The following EHD1 variants were observed in gnomAD, a reference collection of about 807,000 sequenced individuals.
EHD1 encodes EH domain-containing protein 1.
In EHD1, 19 loss-of-function variants were observed where a neutral mutation model predicts 39.0. That is an observed-to-expected ratio of 0.49 (90% CI 0.34 to 0.72). EHD1 has a LOEUF of 0.72. Among genes scored for constraint, EHD1 ranks in the 30% least tolerant of loss-of-function variants. The pLI is 0.01. For synonymous variants in EHD1, 323 were observed against 331.2 expected, an observed-to-expected ratio of 0.98 and a Z score of 0.27; for missense variants, 542 against 751.5, an observed-to-expected ratio of 0.72 and a Z score of 3.26.
At position 64,853,997 on chromosome 11, in the gene EHD1, C is replaced by T. The variant is rs1355565083; in HGVS notation, c.*336G>A. 3 of 375,090 alleles carry T rather than the reference C, an allele frequency of 8.0e-6. No homozygotes were observed. The highest frequency in any genetic ancestry group is 5.3e-5 in the East Asian group (1 of 18,734). 23.2% of individuals were successfully genotyped at this position (375,090 alleles called of 1,614,324 possible). ...GACCTGGCTCCCCCACGGTCGCAGT[C>T]GCTGCACTGTCCAGCTCCAGCCACA... On this transcript the variant is annotated 3_prime_UTR_variant, in exon 5 of 5. Coordinates refer to ENST00000320631, the MANE Select transcript of EHD1 (RefSeq NM_006795.4).
At chr11:64,855,070 G>A (rs1243634027) in intron 4 of EHD1, 1 of 830,336 alleles carries the variant, frequency 1.2e-6, no homozygotes, top group Admixed American at 2.9e-5. Flanking sequence ...AAGGATTCAT[G>A]GACAGGGCAC....
intron 1 of EHD1, chr11:64,877,796 T>C (rs1943901035): frequency 2.7e-6 from 1 of 374,526 alleles, no homozygotes; most frequent in Non-Finnish European, 4.8e-6. Context: ...GGAGTGGGGC[T>C]GGGATCTGCA....
In EHD1 at chr11:64,868,442, G is replaced by A. The variant is rs1173901868; in HGVS notation, c.502+5979C>T. Among the ~76,000 whole-genome samples, 6 of 152,202 alleles carry A rather than the reference G, an allele frequency of 3.9e-5. No individual in the cohort carries two copies. Among genetic ancestry groups the A allele is most frequent in the African/African-American group, 1.4e-4 (6 of 41,434 alleles). On this transcript the variant is annotated intron_variant, in intron 2 of 4. Coordinates refer to ENST00000320631, the MANE Select transcript of EHD1 (RefSeq NM_006795.4). This position sits in a 1 kb window ranked among gnomAD's most constrained non-coding sequence, Gnocchi z 4.2. Reference sequence around the variant, plus strand: ...GAACAACCCAAGCGCCCCAACAGGTGAATGGATGACAACGGATGGTGCATC... The same window carrying A: ...GAACAACCCAAGCGCCCCAACAGGTAAATGGATGACAACGGATGGTGCATC...
rs971578104 is a variant in EHD1, at chr11:64,854,032, G to A, written c.*301C>T. 11 of 479,528 alleles carry A rather than the reference G, an allele frequency of 2.3e-5. No homozygotes were observed. Among genetic ancestry groups the A allele is most frequent in the South Asian group, 6.8e-5 (3 of 44,384 alleles). The allele number at this position is 479,528 out of a possible 1,614,324, so 29.7% of individuals were successfully genotyped here. A position where few individuals can be genotyped will look rare whatever the true frequency, so the allele number is the denominator to read the frequency against. The stretch of plus-strand genomic sequence containing the variant: ...TCCAGCTCCAGCCACAGCAAAGGCC[G>A]GGGGGCAGAGGCCGTGCACACAGGG... On this transcript the variant is annotated 3_prime_UTR_variant, in exon 5 of 5. Coordinates refer to ENST00000320631, the MANE Select transcript of EHD1 (RefSeq NM_006795.4).
upstream of EHD1, chr11:64,879,633 G>T (rs1386154194): frequency 1.3e-6 from 2 of 1,550,906 alleles, no homozygotes; most frequent in Non-Finnish European, 1.7e-6. Flanking sequence ...TGTTCCATGG[G>T]GCTCACTCCC....
rs1943907467 is a variant in EHD1, at chr11:64,878,147, C to T, written c.318G>A (p.Glu106=). 2 of 1,586,920 alleles carry T rather than the reference C, an allele frequency of 1.3e-6. No homozygotes were observed. Among genetic ancestry groups the T allele is most frequent in the East Asian group, 2.3e-5 (1 of 44,158 alleles). ...CGAGCGCGTTGCCCGGCACCACGCC[C>T]TCAGTGGGGCCGTGCATGACGGCGA... ...SFIAVMHGPT[E]GVVPGNALVV... is the part of the protein sequence containing the mutation. Residue 106 remains glutamate (E), a synonymous_variant, in exon 1 of 5, where the codon GAG becomes GAA. Transcript: ENST00000320631.
intron 3 of EHD1, among the ~76,000 whole-genome samples, chr11:64,858,167 C>T (rs112938802): frequency 6.8e-6 from 1 of 147,952 alleles, no homozygotes; most frequent in African/African-American, 2.5e-5. Context: ...AGCCACCATG[C>T]CTGGCCAGAG....
At chr11:64,870,373 C>T (rs961486660) in intron 2 of EHD1, among the ~76,000 whole-genome samples, 1 of 152,216 alleles carries the variant, frequency 6.6e-6, no homozygotes, top group African/African-American at 2.4e-5. Flanking sequence ...CACTTGCTGG[C>T]CTGCCTGTCA....
intron 3 of EHD1, among the ~76,000 whole-genome samples, chr11:64,858,682 A>G (rs7105257): frequency 0.066 from 10,036 of 152,282 alleles, 476 homozygotes; most frequent in African/African-American, 0.12. Context: ...CTGGCTCACG[A>G]TAGGGTGCTA....
rs528725138 is a variant in EHD1 at position 64,856,967 on chromosome 11, T to C, written c.916-1481A>G. Among the ~76,000 whole-genome samples the C allele has an allele frequency of 2.6e-5, 4 of 152,346 alleles. No individual in the cohort carries two copies. The South Asian group carries it at 8.3e-4, about 32-fold the overall frequency. Reference sequence around the variant, plus strand: ...GGTGGCTGAGCAAGGGAGCTCTCTCTGCCCTGCAAGGAGAGAAACTCAGCT... The same window carrying C: ...GGTGGCTGAGCAAGGGAGCTCTCTCCGCCCTGCAAGGAGAGAAACTCAGCT... On this transcript the variant is annotated intron_variant, in intron 3 of 4. Transcript: ENST00000320631.
chr11:64,867,591 C>T (rs1289682404), intron 2 of EHD1, among the ~76,000 whole-genome samples: 6 of 151,980 alleles, frequency 3.9e-5, no homozygotes, highest in East Asian at 1.9e-4. Context: ...TGGTGGCAGG[C>T]GCCTGTAATC....
At chr11:64,858,197 T>TTTTTG (rs1943675170) in intron 3 of EHD1, among the ~76,000 whole-genome samples, 3 of 148,946 alleles carry the variant, frequency 2.0e-5, no homozygotes, top group Admixed American at 2.0e-4. Context: ...TTTCTTTTTT[T>TTTTTG]TTGAGACAGA....
rs1943795979 is a variant in EHD1 at position 64,868,794 on chromosome 11, C to G, written c.502+5627G>C. 6.6e-6 allele frequency among the ~76,000 whole-genome samples: 1 copy of G among 152,148 alleles called. No individual in the cohort carries two copies. On this transcript the variant is annotated intron_variant, in intron 2 of 4. Coordinates refer to ENST00000320631, the MANE Select transcript of EHD1 (RefSeq NM_006795.4). The surrounding 1 kb of genome is among the most constrained non-coding windows in gnomAD (Gnocchi z 4.2). Reference sequence around the variant, plus strand: ...TCACTACACACAACGTAGACCCCAGCAAATCAGACAGAAGCAACAAAAGAG... The same window carrying G: ...TCACTACACACAACGTAGACCCCAGGAAATCAGACAGAAGCAACAAAAGAG...
chr11:64,855,761 G>T (rs915357249), intron 3 of EHD1: 10 of 458,368 alleles, frequency 2.2e-5, no homozygotes, highest in Non-Finnish European at 3.2e-5. Flanking sequence ...GGCCTTGCAC[G>T]GATCATTGTG....
Position 64,853,132 on chromosome 11 carries a change from T to C in EHD1, c.*1201A>G, listed in dbSNP as rs907535999. ...TGGCCCGGGCCACTGGGCCGCAAGG[T>C]TCTGGTTTCTTATTGCTCAACCTGG... On this transcript the variant is annotated 3_prime_UTR_variant, in exon 5 of 5. Transcript: ENST00000320631. 1 of 138,950 alleles carries C rather than the reference T, an allele frequency of 7.2e-6. No homozygotes were observed. The highest frequency in any genetic ancestry group is 2.0e-4 in the East Asian group (1 of 4,930). 8.6% of individuals were successfully genotyped at this position (138,950 alleles called of 1,614,324 possible).
At chr11:64,860,486 AC>A in intron 2 of EHD1, 150 bp from the exon 3 acceptor site, 6 of 1,152,896 alleles carry the variant, frequency 5.2e-6, no homozygotes, top group Non-Finnish European at 7.1e-6. Flanking sequence ...TGTAATCCCA[AC>A]ACTTTGGGAG....
rs1943694235 is a variant in EHD1 at position 64,859,923 on chromosome 11, C to A, written c.915+1G>T. On this transcript the variant is annotated splice_donor_variant, in intron 3 of 4. Coordinates refer to ENST00000320631, the MANE Select transcript of EHD1 (RefSeq NM_006795.4). LOFTEE classifies it high-confidence loss of function. ...GCTGCTCCCCTCACCCCAGGGTCTA[C>A]CTTGGCCAGCCGTGCCCGCTTGATC... 6.2e-7 allele frequency: 1 copy of A among 1,609,934 alleles called. No individual in the cohort carries two copies. The highest frequency in any genetic ancestry group is 8.5e-7 in the Non-Finnish European group (1 of 1,177,692).
upstream of EHD1, chr11:64,879,278 A>C: frequency 1.0e-6 from 1 of 971,804 alleles, no homozygotes; most frequent in Non-Finnish European, 1.3e-6. Context: ...ACCTCCCCTC[A>C]GGCCGACGGG....
chr11:64,875,614 T>C (rs1283236615), intron 1 of EHD1: 1 of 152,376 alleles, frequency 6.6e-6, no homozygotes, highest in Non-Finnish European at 1.5e-5. Context: ...GACTGACCCA[T>C]TATCTGTAGG....
Sources: allele counts gnomAD v4.1 joint callset (sites outside exome capture counted in the v4.1 genomes callset), GRCh38; gene constraint gnomAD v4.1.1; non-coding constraint Gnocchi (gnomAD v3.1); transcripts MANE v1.5; gene names NCBI Gene and HGNC (gene_info 2026-07-23, HGNC 2026-07-21).